Variants in RTN1 observed in about 807,000 individuals in gnomAD.
RTN1 encodes reticulon-1.
A neutral mutation model predicts 65.5 loss-of-function variants in RTN1; 25 were observed. That is an observed-to-expected ratio of 0.38 (90% CI 0.28 to 0.53). The LOEUF is 0.53. Ranked by LOEUF, RTN1 falls within the 20% of genes least tolerant of loss-of-function variation. The probability of loss-of-function intolerance (pLI) is 0.79; values close to 1 mark genes in which losing one functional copy is unlikely to be tolerated. For missense variants in RTN1, 983 were observed against 1,025.4 expected (o/e 0.96, Z 0.57); for synonymous variants, 471 against 447.6 (o/e 1.05, Z -0.66).
intron 3 of RTN1, among the ~76,000 whole-genome samples, chr14:59,631,390 G>A (rs894887944): frequency 1.3e-5 from 2 of 152,186 alleles, no homozygotes; most frequent in African/African-American, 2.4e-5. Context: ...TTGTGGGGAC[G>A]TTCAAACAGA....
chr14:59,692,445 T>C (rs908380095), intron 3 of RTN1, among the ~76,000 whole-genome samples: 2 of 152,174 alleles, frequency 1.3e-5, no homozygotes, highest in Non-Finnish European at 2.9e-5. Context: ...TATTTCATGC[T>C]CATGGATTGG....
intron 3 of RTN1, among the ~76,000 whole-genome samples, chr14:59,650,512 C>A (rs1882999571): frequency 6.6e-6 from 1 of 152,194 alleles, no homozygotes; most frequent in African/African-American, 2.4e-5. Flanking sequence ...AAAATCCCAT[C>A]ATCTCAGCCC....
At chr14:59,756,400 T>C (rs1885637413) in intron 1 of RTN1, among the ~76,000 whole-genome samples, 1 of 152,218 alleles carries the variant, frequency 6.6e-6, no homozygotes, top group Non-Finnish European at 1.5e-5. Flanking sequence ...TTTAGTGATA[T>C]GTAATTCATA....
intron 1 of RTN1, among the ~76,000 whole-genome samples, chr14:59,841,498 C>T (rs1259546728): frequency 3.3e-5 from 5 of 152,006 alleles, no homozygotes. Flanking sequence ...GAGTTCGAGA[C>T]CAGCCTGGCC....
chr14:59,705,030 A>AGGGAAATAT (rs1209430794), intron 3 of RTN1, among the ~76,000 whole-genome samples: 2 of 152,246 alleles, frequency 1.3e-5, no homozygotes, highest in Admixed American at 1.3e-4. Context: ...ATATATAATA[A>AGGGAAATAT]GGGAAATATG....
chr14:59,771,667 G>A (rs1028266695), intron 1 of RTN1, among the ~76,000 whole-genome samples: 2 of 152,116 alleles, frequency 1.3e-5, no homozygotes, highest in Non-Finnish European at 2.9e-5. Flanking sequence ...TTCTTTCACC[G>A]AGGCTGTATC....
chr14:59,740,011 G>GACAC (rs1465093539), intron 2 of RTN1, among the ~76,000 whole-genome samples: 1 of 152,202 alleles, frequency 6.6e-6, no homozygotes, highest in African/African-American at 2.4e-5. Context: ...TTGTTCTGGA[G>GACAC]ACAGGCTGGT....
Position 59,800,549 on chromosome 14 carries a change from C to T in RTN1, c.242-54068G>A, listed in dbSNP as rs1566731423. On this transcript the variant is annotated intron_variant, in intron 1 of 8. Coordinates refer to ENST00000267484, the MANE Select transcript of RTN1 (RefSeq NM_021136.3). ...CTGAGTAGCTGGGACTACAGGCGCCCACCACCACGCCTGGCTAACTTCTTA... is the reference window on the plus strand; with the variant it reads ...CTGAGTAGCTGGGACTACAGGCGCCTACCACCACGCCTGGCTAACTTCTTA... 2.0e-5 allele frequency among the ~76,000 whole-genome samples: 3 copies of T among 152,006 alleles called. No homozygotes were observed. In the South Asian group the frequency reaches 6.2e-4, roughly 32 times the overall value.
intron 3 of RTN1, among the ~76,000 whole-genome samples, chr14:59,664,400 G>A (rs1013947692): frequency 1.3e-5 from 2 of 152,036 alleles, no homozygotes; most frequent in Admixed American, 1.3e-4. Context: ...AAACCACCAT[G>A]GCACGTATAT....
rs1332982112 is a variant in RTN1 at position 59,680,278 on chromosome 14, A to T, written c.1765+46641T>A. On this transcript the variant is annotated intron_variant, in intron 3 of 8. Coordinates refer to ENST00000267484, the MANE Select transcript of RTN1 (RefSeq NM_021136.3). ...TTAATAGTACTAAAAAGGAAAGAGCAATCCCTCTTTCCCTCCATACCAGTT... is the reference window on the plus strand; with the variant it reads ...TTAATAGTACTAAAAAGGAAAGAGCTATCCCTCTTTCCCTCCATACCAGTT... 2.0e-5 allele frequency among the ~76,000 whole-genome samples: 3 copies of T among 152,026 alleles called. No homozygotes were observed. The East Asian group carries it at 5.8e-4, about 29-fold the overall frequency.
intron 1 of RTN1, among the ~76,000 whole-genome samples, chr14:59,780,411 T>C (rs1247480072): frequency 6.6e-6 from 1 of 152,232 alleles, no homozygotes. Context: ...CTTGGATTTA[T>C]ATCCAATTGT....
Position 59,870,577 on chromosome 14 carries a change from C to T in RTN1, c.54G>A (p.Gly18=). The T allele has an allele frequency of 6.9e-7, 1 of 1,451,512 alleles. No individual in the cohort carries two copies. The highest frequency in any genetic ancestry group is 9.0e-7 in the Non-Finnish European group (1 of 1,106,894). The allele number at this position is 1,451,512 out of a possible 1,614,324, so 89.9% of individuals were successfully genotyped here. ...QDELLPLAGP[G]SQWLRHRGEG... ...CCCCCCGGTGCCTGAGCCACTGGGA[C>T]CCGGGGCCGGCCAGCGGCAGCAGCT... The change falls in exon 1 of 9, where the codon GGG becomes GGA. Residue 18 remains glycine (G), a synonymous_variant. Transcript: ENST00000267484. This position sits in a 1 kb window ranked among gnomAD's most constrained non-coding sequence, Gnocchi z 5.1.
chr14:59,639,014 T>C (rs1882722007), intron 3 of RTN1, among the ~76,000 whole-genome samples: 1 of 152,230 alleles, frequency 6.6e-6, no homozygotes, highest in Non-Finnish European at 1.5e-5. Context: ...GAGAGATGTA[T>C]GACTCTTCCT....
At chr14:59,683,041 T>C (rs936148459) in intron 3 of RTN1, among the ~76,000 whole-genome samples, 1 of 152,194 alleles carries the variant, frequency 6.6e-6, no homozygotes, top group Admixed American at 6.5e-5. Context: ...TCACTATGGT[T>C]GATGTATGAA....
chr14:59,682,082 C>A (rs1957998), intron 3 of RTN1, among the ~76,000 whole-genome samples: 2 of 152,026 alleles, frequency 1.3e-5, no homozygotes, highest in Admixed American at 1.3e-4. Context: ...TAATGTGGCT[C>A]CTTCCCATCT....
At chr14:59,789,733 A>G (rs1339514864) in intron 1 of RTN1, among the ~76,000 whole-genome samples, 1 of 152,124 alleles carries the variant, frequency 6.6e-6, no homozygotes, top group Non-Finnish European at 1.5e-5. Flanking sequence ...TTTGTGCACA[A>G]GGAGACATCT....
chr14:59,605,824 T>C, intron 4 of RTN1: 1 of 225,624 alleles, frequency 4.4e-6, no homozygotes, highest in East Asian at 1.0e-4. Flanking sequence ...ATCAGCTCAT[T>C]TGCTGAATTC....
chr14:59,677,617 A>C (rs945451620), intron 3 of RTN1, among the ~76,000 whole-genome samples: 10 of 152,230 alleles, frequency 6.6e-5, no homozygotes, highest in Admixed American at 6.5e-4. Flanking sequence ...AAACAAACAC[A>C]AATTCTGGTC....
At chr14:59,659,184 A>G (rs1025278589) in intron 3 of RTN1, among the ~76,000 whole-genome samples, 1 of 146,988 alleles carries the variant, frequency 6.8e-6, no homozygotes, top group South Asian at 2.2e-4. Flanking sequence ...AAGATTAGAG[A>G]AAAAAAAAAA....
Sources: gnomAD v4.1 joint callset for allele counts (sites outside exome capture counted in the v4.1 genomes callset) on GRCh38, gnomAD v4.1.1 for gene constraint, Gnocchi (gnomAD v3.1) non-coding constraint, MANE v1.5 for transcripts, NCBI Gene and HGNC (gene_info 2026-07-23, HGNC 2026-07-21) for gene names.